CEP89: variants seen among roughly 807,000 people sequenced by gnomAD.
CEP89 encodes the protein centrosomal protein of 89 kDa.
Under a neutral mutation model 97.6 loss-of-function variants are expected in CEP89, and 95 were observed. The ratio of observed to expected loss-of-function variants is 0.97; its 90% confidence interval spans 0.82 to 1.15. The LOEUF (loss-of-function observed/expected upper bound fraction) is 1.15, where lower values mean the gene tolerates loss of function less well. CEP89 is among the 50% of genes most tolerant of loss of function. CEP89 has a pLI of 0.00. For missense variants in CEP89, 869 were observed against 947.7 expected (o/e 0.92, Z 1.09); for synonymous variants, 354 against 349.1 (o/e 1.01, Z -0.16).
At chr19:32,951,534 T>TATATATATAC (rs1407110112) in intron 4 of CEP89, among the ~76,000 whole-genome samples, 10 of 122,038 alleles carry the variant, frequency 8.2e-5, no homozygotes, top group South Asian at 2.8e-4. Context: ...TATATATATA[T>TATATATATAC]ACACACACAC....
intron 9 of CEP89, among the ~76,000 whole-genome samples, chr19:32,928,438 G>T (rs528772322): frequency 6.6e-6 from 1 of 151,584 alleles, no homozygotes; most frequent in East Asian, 2.0e-4. Flanking sequence ...TGCTTCTGAG[G>T]CTTGTTTTTT....
intron 13 of CEP89, among the ~76,000 whole-genome samples, chr19:32,916,429 A>G (rs1763031031): frequency 1.3e-5 from 2 of 152,238 alleles, no homozygotes; most frequent in African/African-American, 4.8e-5. Context: ...GTAAAGCCTT[A>G]AATCACACCC....
At position 32,915,530 on chromosome 19, in the gene CEP89, A is replaced by G. The variant is rs1272453101; in HGVS notation, c.1385-13T>C. On this transcript the variant is annotated splice_polypyrimidine_tract_variant and intron_variant, in intron 13 of 18. Transcript: ENST00000305768. ...GTCAGCTTAGAAACTGAAAATCAAAAGAGGAAGATAAAAACTTGGCACAGA... is the reference window on the plus strand; with the variant it reads ...GTCAGCTTAGAAACTGAAAATCAAAGGAGGAAGATAAAAACTTGGCACAGA... 6.2e-7 allele frequency: 1 copy of G among 1,603,184 alleles called. No individual in the cohort carries two copies. Among genetic ancestry groups the G allele is most frequent in the Non-Finnish European group, 8.5e-7 (1 of 1,177,282 alleles).
intron 2 of CEP89, among the ~76,000 whole-genome samples, chr19:32,965,187 C>G (rs1016629142): frequency 2.6e-5 from 4 of 152,106 alleles, no homozygotes; most frequent in African/African-American, 9.7e-5. Context: ...TCAGTTTACC[C>G]TAGGAGTTCA....
At chr19:32,967,990 G>A (rs1405261158) in intron 1 of CEP89, among the ~76,000 whole-genome samples, 1 of 152,136 alleles carries the variant, frequency 6.6e-6, no homozygotes, top group Non-Finnish European at 1.5e-5. Context: ...CGAGACACAA[G>A]GCTGGGAAGG....
chr19:32,949,062 T>C (rs1970857736), intron 4 of CEP89, among the ~76,000 whole-genome samples: 1 of 152,172 alleles, frequency 6.6e-6, no homozygotes. Context: ...CAAGCAGTGC[T>C]GACCTCCCCT....
chr19:32,951,232 C>T (rs565200814), intron 4 of CEP89, among the ~76,000 whole-genome samples: 5 of 152,254 alleles, frequency 3.3e-5, no homozygotes, highest in Admixed American at 1.3e-4. Flanking sequence ...GGCGCAATGG[C>T]TCACGCCAGT....
At chr19:32,945,654 C>A (rs1970781825) in intron 5 of CEP89, among the ~76,000 whole-genome samples, 1 of 152,132 alleles carries the variant, frequency 6.6e-6, no homozygotes, top group Non-Finnish European at 1.5e-5. Flanking sequence ...TCCTTCCATG[C>A]ATTAATTTCT....
chr19:32,959,847 G>A, intron 3 of CEP89, 53 bp downstream of exon 3: 1 of 1,604,682 alleles, frequency 6.2e-7, no homozygotes, highest in East Asian at 2.2e-5. Flanking sequence ...ACCAGGCTGA[G>A]CCTGCCCCTC....
intron 14 of CEP89, among the ~76,000 whole-genome samples, chr19:32,903,859 T>C (rs1010449541): frequency 3.3e-5 from 5 of 152,122 alleles, no homozygotes; most frequent in African/African-American, 1.2e-4. Flanking sequence ...GAACTTCATG[T>C]AGAGTAAAGA....
intron 7 of CEP89, among the ~76,000 whole-genome samples, chr19:32,934,271 G>A (rs1970535693): frequency 6.6e-6 from 1 of 152,156 alleles, no homozygotes; most frequent in South Asian, 2.1e-4. Context: ...GCTTGGGTTG[G>A]TACAGAGGCC....
chr19:32,923,547 A>G lies in CEP89; in HGVS notation c.1165-5T>C. 2 of 1,538,956 alleles carry G rather than the reference A, an allele frequency of 1.3e-6. No individual in the cohort carries two copies. The highest frequency in any genetic ancestry group is 1.8e-6 in the Non-Finnish European group (2 of 1,112,512). ...CCTAAACATTCTCATTTCCTCCTGAAATAAAATGTACGTAAATTATAACAC... is the reference window on the plus strand; with the variant it reads ...CCTAAACATTCTCATTTCCTCCTGAGATAAAATGTACGTAAATTATAACAC... On this transcript the variant is annotated splice_region_variant and splice_polypyrimidine_tract_variant and intron_variant, in intron 11 of 18. Transcript: ENST00000305768.
chr19:32,911,728 G>A (rs1253799311), intron 14 of CEP89, among the ~76,000 whole-genome samples: 1 of 152,156 alleles, frequency 6.6e-6, no homozygotes, highest in Non-Finnish European at 1.5e-5. Context: ...CCAGTAATTG[G>A]AATCACTAGC....
At chr19:32,908,580 G>A (rs1824391536) in intron 14 of CEP89, among the ~76,000 whole-genome samples, 1 of 152,190 alleles carries the variant, frequency 6.6e-6, no homozygotes, top group Non-Finnish European at 1.5e-5. Flanking sequence ...ACAAAATGAG[G>A]AGTAGGAAAC....
chr19:32,928,954 C>T (rs145896639), intron 9 of CEP89, among the ~76,000 whole-genome samples: 35 of 152,260 alleles, frequency 2.3e-4, no homozygotes, highest in Admixed American at 3.9e-4. Context: ...GCCTGCTGTT[C>T]GACATCTGTA....
rs1969230328 is a variant in CEP89, at chr19:32,879,358, T to TC, written c.2155dup (p.Glu719GlyfsTer57). 1 of 1,613,968 alleles carries TC rather than the reference T, an allele frequency of 6.2e-7. No homozygotes were observed. On this transcript the variant is annotated frameshift_variant, in exon 19 of 19. Transcript: ENST00000305768. LOFTEE classifies it low-confidence loss of function (END_TRUNC). Reference sequence around the variant, plus strand: ...CCTGAAGGTAGATTCCCAAATAACTTCAAGTTCACCTTCCATTTCTCTGAG... The same window carrying TC: ...CCTGAAGGTAGATTCCCAAATAACTTCCAAGTTCACCTTCCATTTCTCTGAG...
At chr19:32,898,973 A>G (rs1347212023) in intron 16 of CEP89, among the ~76,000 whole-genome samples, 1 of 152,002 alleles carries the variant, frequency 6.6e-6, no homozygotes, top group African/African-American at 2.4e-5. Flanking sequence ...ACATTACAAA[A>G]TATCACATGT....
chr19:32,955,796 G>T (rs1368527834), intron 3 of CEP89, among the ~76,000 whole-genome samples: 2 of 152,180 alleles, frequency 1.3e-5, no homozygotes, highest in African/African-American at 2.4e-5. Context: ...TTACAGGCGT[G>T]AGCCACTGTG....
intron 5 of CEP89, among the ~76,000 whole-genome samples, chr19:32,944,138 G>A (rs1460364081): frequency 6.8e-6 from 1 of 146,904 alleles, no homozygotes; most frequent in Non-Finnish European, 1.5e-5. Flanking sequence ...GAGGTGGGAG[G>A]ATCAACTGAA....
Sources: allele counts gnomAD v4.1 joint callset (sites outside exome capture counted in the v4.1 genomes callset), GRCh38; gene constraint gnomAD v4.1.1; transcripts MANE v1.5; gene names NCBI Gene and HGNC (gene_info 2026-07-23, HGNC 2026-07-21).